KIF26B: variants seen among roughly 807,000 people sequenced by gnomAD.
The protein encoded by KIF26B is kinesin-like protein KIF26B.
Under a neutral mutation model 151.2 loss-of-function variants are expected in KIF26B, and 63 were observed. That is an observed-to-expected ratio of 0.42 (90% CI 0.34 to 0.51). The LOEUF (loss-of-function observed/expected upper bound fraction) is 0.51. Ranked by LOEUF, KIF26B falls within the 20% of genes least tolerant of loss-of-function variation. The pLI, the probability that KIF26B is intolerant of heterozygous loss-of-function variation, is 0.07. For synonymous variants in KIF26B, 1,357 were observed against 1,262.1 expected, an observed-to-expected ratio of 1.08 and a Z score of -1.59; for missense variants, 2,813 against 2,913.6, an observed-to-expected ratio of 0.97 and a Z score of 0.79.
intron 2 of KIF26B, among the ~76,000 whole-genome samples, chr1:245,172,799 G>T (rs1326175657): frequency 6.6e-6 from 1 of 152,116 alleles, no homozygotes; most frequent in African/African-American, 2.4e-5. Flanking sequence ...GACAGAGCGA[G>T]ACTCCATCTC....
At position 245,667,932 on chromosome 1, in the gene KIF26B, C is replaced by T. The variant is rs2044234600; in HGVS notation, c.2259-16301C>T. On this transcript the variant is annotated intron_variant, in intron 10 of 14. Transcript: ENST00000407071. This position sits in a 1 kb window ranked among gnomAD's most constrained non-coding sequence, Gnocchi z 4.3. ...TTGAGATGGAGTCTCACTCTGTCAC[C>T]CAGGCTGGAGTGCAGTGCAGTGGCG... 6.6e-6 allele frequency among the ~76,000 whole-genome samples: 1 copy of T among 152,136 alleles called. No homozygotes were observed. Among genetic ancestry groups the T allele is most frequent in the African/African-American group, 2.4e-5 (1 of 41,426 alleles).
Position 245,698,412 on chromosome 1 carries a change from C to A in KIF26B, c.6027+104C>A. The A allele has an allele frequency of 9.3e-7, 1 of 1,080,310 alleles. No homozygotes were observed. The highest frequency in any genetic ancestry group is 1.3e-6 in the Non-Finnish European group (1 of 754,204). The allele number at this position is 1,080,310 out of a possible 1,614,324, so 66.9% of individuals were successfully genotyped here. On this transcript the variant is annotated intron_variant, in intron 13 of 14. Transcript: ENST00000407071. The surrounding 1 kb of genome is among the most constrained non-coding windows in gnomAD (Gnocchi z 4.0). ...CTGGGGAAGAAAACTCAGACCCGGG[C>A]TTCCCAGCGGGCTTCTGGCATGGGT...
At chr1:245,533,814 A>G (rs1196723162) in intron 4 of KIF26B, among the ~76,000 whole-genome samples, 1 of 151,994 alleles carries the variant, frequency 6.6e-6, no homozygotes, top group Non-Finnish European at 1.5e-5. Context: ...AGTCAAAATC[A>G]AGTTCCCCCT....
At chr1:245,521,472 T>C (rs1192053547) in intron 4 of KIF26B, among the ~76,000 whole-genome samples, 1 of 152,204 alleles carries the variant, frequency 6.6e-6, no homozygotes, top group Non-Finnish European at 1.5e-5. Flanking sequence ...TAGATACTTA[T>C]ACATCCAGAT....
chr1:245,227,473 CCT>C lies in KIF26B; in HGVS notation c.465+70791_465+70792del, dbSNP rs967994496. Among the ~76,000 whole-genome samples the C allele has an allele frequency of 3.2e-4, 48 of 152,316 alleles. No homozygotes were observed. The highest frequency in any genetic ancestry group is 1.1e-3 in the African/African-American group (47 of 41,570). ...TTGGCCTCTCTTGTTTCTTCCCACC[CCT>C]GTCACACCGCCCTTGACCATGGTTG... On this transcript the variant is annotated intron_variant, in intron 2 of 14. Transcript: ENST00000407071. The surrounding 1 kb of genome is among the most constrained non-coding windows in gnomAD (Gnocchi z 4.1).
chr1:245,168,940 C>T (rs939812369), intron 2 of KIF26B, among the ~76,000 whole-genome samples: 1 of 152,090 alleles, frequency 6.6e-6, no homozygotes, highest in Admixed American at 6.6e-5. Flanking sequence ...TATCTACTTC[C>T]TGGGGGATGT....
intron 4 of KIF26B, among the ~76,000 whole-genome samples, chr1:245,483,812 T>G (rs1262810065): frequency 1.3e-5 from 2 of 151,924 alleles, no homozygotes; most frequent in Non-Finnish European, 2.9e-5. Flanking sequence ...ACAGGGCGAC[T>G]ACTTGGGAAT....
rs2044521055 is a variant in KIF26B, at chr1:245,686,420, G to A, written c.3437G>A (p.Gly1146Glu). ...AAATCCATGTCTGCTGGGAGCGAAGGGTTCCCGGAAACTCCTGTCGATGAT... is the reference window on the plus strand; with the variant it reads ...AAATCCATGTCTGCTGGGAGCGAAGAGTTCCCGGAAACTCCTGTCGATGAT... ...LKKSMSAGSE[G>E]FPETPVDDEQ... Residue 1146 changes from glycine to glutamate, a missense_variant, in exon 12 of 15, where the codon GGG becomes GAG. Transcript: ENST00000407071. This position sits in a 1 kb window ranked among gnomAD's most constrained non-coding sequence, Gnocchi z 5.6. 1.2e-6 allele frequency: 2 copies of A among 1,613,302 alleles called. No individual in the cohort carries two copies. The highest frequency in any genetic ancestry group is 8.5e-7 in the Non-Finnish European group (1 of 1,179,900).
At chr1:245,665,218 A>G (rs2044199771) in intron 10 of KIF26B, among the ~76,000 whole-genome samples, 1 of 152,212 alleles carries the variant, frequency 6.6e-6, no homozygotes, top group South Asian at 2.1e-4. Flanking sequence ...GCAATTCATT[A>G]CAGGCTTCAG....
At chr1:245,676,986 G>A (rs774009347) in intron 10 of KIF26B, among the ~76,000 whole-genome samples, 13 of 152,164 alleles carry the variant, frequency 8.5e-5, no homozygotes, top group Non-Finnish European at 1.6e-4. Flanking sequence ...TCTCTCCCAC[G>A]CATTATCCTG....
chr1:245,662,952 AG>A (rs1431705201), intron 10 of KIF26B, among the ~76,000 whole-genome samples: 10 of 129,330 alleles, frequency 7.7e-5, no homozygotes, highest in African/African-American at 1.5e-4. Context: ...GCTTGCTCTC[AG>A]GTCACCTCTG....
chr1:245,487,106 G>T (rs371139006), intron 4 of KIF26B, among the ~76,000 whole-genome samples: 4 of 152,128 alleles, frequency 2.6e-5, no homozygotes, highest in Admixed American at 2.6e-4. Context: ...GAATGGGGGG[G>T]GTGGTTAGAG....
At chr1:245,396,630 C>T (rs1406962989) in intron 3 of KIF26B, among the ~76,000 whole-genome samples, 1 of 140,808 alleles carries the variant, frequency 7.1e-6, no homozygotes, top group East Asian at 2.1e-4. Context: ...AGTGAAACTC[C>T]ATCTCAAAAA....
chr1:245,413,629 C>G (rs1430499881), intron 3 of KIF26B, among the ~76,000 whole-genome samples: 1 of 152,230 alleles, frequency 6.6e-6, no homozygotes, highest in East Asian at 1.9e-4. Flanking sequence ...CACCACTGCA[C>G]TCCAGCCTGG....
chr1:245,163,004 A>G (rs754958108), intron 2 of KIF26B, among the ~76,000 whole-genome samples: 3 of 152,242 alleles, frequency 2.0e-5, no homozygotes, highest in Non-Finnish European at 4.4e-5. Flanking sequence ...CTTTCTCTAA[A>G]TGTCTATCCA....
At chr1:245,417,069 A>G (rs1412378203) in intron 3 of KIF26B, among the ~76,000 whole-genome samples, 1 of 151,694 alleles carries the variant, frequency 6.6e-6, no homozygotes, top group Non-Finnish European at 1.5e-5. Context: ...AAGGACATGG[A>G]CCTGCCCCCG....
chr1:245,651,363 C>T (rs1309332573), intron 10 of KIF26B, among the ~76,000 whole-genome samples: 2 of 152,198 alleles, frequency 1.3e-5, no homozygotes, highest in Non-Finnish European at 2.9e-5. Context: ...GGTTCTGGCA[C>T]CTGTGGGTCA....
intron 2 of KIF26B, among the ~76,000 whole-genome samples, chr1:245,344,866 G>C (rs1672414380): frequency 1.3e-5 from 2 of 152,016 alleles, no homozygotes; most frequent in Non-Finnish European, 2.9e-5. Context: ...TTTTCGGACT[G>C]ATCTACGTTG....
intron 4 of KIF26B, among the ~76,000 whole-genome samples, chr1:245,502,829 C>A (rs536254112): frequency 2.3e-4 from 35 of 149,654 alleles, no homozygotes; most frequent in African/African-American, 8.1e-4. Context: ...TGAAAAATTT[C>A]TGTATTAATT....
Sources: gnomAD v4.1 joint callset for allele counts (sites outside exome capture counted in the v4.1 genomes callset) on GRCh38, gnomAD v4.1.1 for gene constraint, Gnocchi (gnomAD v3.1) non-coding constraint, MANE v1.5 for transcripts, NCBI Gene and HGNC (gene_info 2026-07-23, HGNC 2026-07-21) for gene names.